The following GSG1L variants were observed in gnomAD, a reference collection of about 807,000 sequenced individuals.
GSG1L encodes the protein germ cell-specific gene 1-like protein.
In GSG1L, 24 loss-of-function variants were observed where a neutral mutation model predicts 42.1. The ratio of observed to expected loss-of-function variants is 0.57; its 90% confidence interval spans 0.41 to 0.80. The LOEUF (loss-of-function observed/expected upper bound fraction) is 0.80, where lower values mean the gene tolerates loss of function less well. Ranked by LOEUF, GSG1L falls within the 30% of genes least tolerant of loss-of-function variation. The pLI is 0.00. For synonymous variants in GSG1L, 215 were observed against 203.5 expected (o/e 1.06, Z -0.48); for missense variants, 445 against 472.2 (o/e 0.94, Z 0.53).
rs1261200810 is a variant in GSG1L at position 27,910,456 on chromosome 16, A to G, written c.398-25818T>C. On this transcript the variant is annotated intron_variant, in intron 2 of 6. Transcript: ENST00000447459. ...TGAGGTAGGTAATGTGATTATCCCC[A>G]TTTTATAGTCAAGAAACTGAGGCAT... Among the ~76,000 whole-genome samples the G allele has an allele frequency of 2.0e-5, 3 of 152,324 alleles. No homozygotes were observed. In the East Asian group the frequency reaches 5.8e-4, roughly 29 times the overall value.
intron 2 of GSG1L, among the ~76,000 whole-genome samples, chr16:27,897,770 T>A (rs894151972): frequency 6.6e-6 from 1 of 152,190 alleles, no homozygotes; most frequent in African/African-American, 2.4e-5. Flanking sequence ...CAAACAGACA[T>A]GGATTTGACC....
intron 2 of GSG1L, among the ~76,000 whole-genome samples, chr16:27,887,302 G>C (rs148957969): frequency 6.6e-6 from 1 of 152,282 alleles, no homozygotes; most frequent in Admixed American, 6.5e-5. Flanking sequence ...AGGATGTAAA[G>C]ATGGAATTGA....
intron 3 of GSG1L, among the ~76,000 whole-genome samples, chr16:27,856,166 C>A (rs974378452): frequency 2.0e-5 from 3 of 151,830 alleles, no homozygotes; most frequent in East Asian, 1.9e-4. Flanking sequence ...CACCCCCCCC[C>A]ATCCCCACAT....
chr16:27,933,524 CTG>C (rs1047332859), intron 2 of GSG1L, among the ~76,000 whole-genome samples: 1 of 151,658 alleles, frequency 6.6e-6, no homozygotes, highest in Admixed American at 6.6e-5. Context: ...TGGCTCATGT[CTG>C]TATTCTCCAC....
intron 1 of GSG1L, among the ~76,000 whole-genome samples, chr16:28,062,776 G>A (rs1361890610): frequency 6.6e-6 from 1 of 152,140 alleles, no homozygotes; most frequent in Non-Finnish European, 1.5e-5. Flanking sequence ...ACCGGCAGCG[G>A]GGGTGGGCGC....
At chr16:27,965,421 T>C (rs2085120327) in intron 1 of GSG1L, among the ~76,000 whole-genome samples, 1 of 152,214 alleles carries the variant, frequency 6.6e-6, no homozygotes, top group Non-Finnish European at 1.5e-5. Flanking sequence ...AATATTACTA[T>C]TAAGTATTAA....
intron 2 of GSG1L, among the ~76,000 whole-genome samples, chr16:27,912,752 T>C (rs1265433368): frequency 2.0e-5 from 3 of 152,126 alleles, no homozygotes; most frequent in African/African-American, 7.2e-5. Flanking sequence ...CACAGTCCAA[T>C]TTATAAAAGT....
chr16:27,979,723 G>A (rs1447370005), intron 1 of GSG1L, among the ~76,000 whole-genome samples: 18 of 35,952 alleles, frequency 5.0e-4, no homozygotes, highest in East Asian at 2.3e-3. Context: ...AGGAAGGAAG[G>A]AAGGAAAGAA....
At position 28,000,248 on chromosome 16, in the gene GSG1L, G is replaced by A. The variant is rs149755728; in HGVS notation, c.350-37045C>T. On this transcript the variant is annotated intron_variant, in intron 1 of 6. Transcript: ENST00000447459. ...TTTGGGAGGCCAAGGTGGGAGGATC[G>A]CTTGAGCCCAGGGTTCTGAGATCAG... 2.6e-3 allele frequency among the ~76,000 whole-genome samples: 400 copies of A among 152,308 alleles called. 3 individuals are homozygous for A. The highest frequency in any genetic ancestry group is 8.9e-3 in the African/African-American group (371 of 41,568).
chr16:28,017,002 A>G (rs1479964864), intron 1 of GSG1L, among the ~76,000 whole-genome samples: 1 of 152,234 alleles, frequency 6.6e-6, no homozygotes, highest in African/African-American at 2.4e-5. Flanking sequence ...GGCAGAGAGA[A>G]CCAAGGGAGA....
At chr16:27,823,760 C>T in intron 5 of GSG1L, 1 of 674,014 alleles carries the variant, frequency 1.5e-6, no homozygotes, top group Non-Finnish European at 2.7e-6. Context: ...TGCCCAGGTC[C>T]TAGCTCAATA....
At chr16:27,907,971 C>T (rs1171718850) in intron 2 of GSG1L, among the ~76,000 whole-genome samples, 3 of 151,486 alleles carry the variant, frequency 2.0e-5, no homozygotes, top group Non-Finnish European at 4.4e-5. Flanking sequence ...CTCCAACTCC[C>T]CTAAACTACC....
intron 1 of GSG1L, among the ~76,000 whole-genome samples, chr16:28,034,159 C>G (rs1030345665): frequency 2.0e-5 from 3 of 151,232 alleles, no homozygotes; most frequent in Non-Finnish European, 4.4e-5. Context: ...CATCCCATCC[C>G]GTTCCACCCC....
chr16:28,008,372 G>A (rs779075064), intron 1 of GSG1L, among the ~76,000 whole-genome samples: 20 of 152,160 alleles, frequency 1.3e-4, no homozygotes, highest in African/African-American at 1.9e-4. Flanking sequence ...AAGCCACCAC[G>A]CCTGGCAAAA....
chr16:27,888,482 C>CCTTT (rs57811717), intron 2 of GSG1L, among the ~76,000 whole-genome samples: 83 of 68,868 alleles, frequency 1.2e-3, no homozygotes, highest in East Asian at 3.5e-3. Flanking sequence ...CTCTCTCTTT[C>CCTTT]CTTTCTTTCT....
At chr16:28,003,867 A>C (rs1190390987) in intron 1 of GSG1L, among the ~76,000 whole-genome samples, 6 of 152,184 alleles carry the variant, frequency 3.9e-5, no homozygotes, top group African/African-American at 1.4e-4. Flanking sequence ...GGGGCAACAA[A>C]GGGAAAAAGT....
In GSG1L at chr16:27,884,350, A is replaced by C. The variant is rs1044257391; in HGVS notation, c.550+136T>G. Reference sequence around the variant, plus strand: ...TCAATATGCATTGGTCATTTTTTACAAACGATAAAACTGAGGCTCACAGAA... The same window carrying C: ...TCAATATGCATTGGTCATTTTTTACCAACGATAAAACTGAGGCTCACAGAA... On this transcript the variant is annotated intron_variant, in intron 3 of 6. Transcript: ENST00000447459. The surrounding 1 kb of genome is among the most constrained non-coding windows in gnomAD (Gnocchi z 4.4). The C allele has an allele frequency of 1.3e-6, 1 of 786,476 alleles. No individual in the cohort carries two copies. Among genetic ancestry groups the C allele is most frequent in the African/African-American group, 1.7e-5 (1 of 57,410 alleles). The allele number at this position is 786,476 out of a possible 1,614,324, so 48.7% of individuals were successfully genotyped here.
intron 1 of GSG1L, among the ~76,000 whole-genome samples, chr16:28,014,114 C>A (rs952241237): frequency 4.6e-5 from 7 of 152,224 alleles, no homozygotes; most frequent in African/African-American, 1.7e-4. Context: ...CTTACCCTGA[C>A]TCATCTAGAG....
intron 2 of GSG1L, among the ~76,000 whole-genome samples, chr16:27,935,794 G>T (rs1222044506): frequency 1.3e-5 from 2 of 150,262 alleles, no homozygotes; most frequent in Non-Finnish European, 3.0e-5. Flanking sequence ...GCCATTAGCT[G>T]CTGTAGACAG....
Sources: gnomAD v4.1 joint callset for allele counts (sites outside exome capture counted in the v4.1 genomes callset) on GRCh38, gnomAD v4.1.1 for gene constraint, Gnocchi (gnomAD v3.1) non-coding constraint, MANE v1.5 for transcripts, NCBI Gene and HGNC (gene_info 2026-07-23, HGNC 2026-07-21) for gene names.